The following MAML2 variants were observed in gnomAD, a reference collection of about 807,000 sequenced individuals.
The protein encoded by MAML2 is mastermind like transcriptional coactivator 2, also known as mastermind-like protein 2.
Under a neutral mutation model 96.1 loss-of-function variants are expected in MAML2, and 22 were observed. The observed-to-expected ratio is 0.23, with a 90% CI of 0.16 to 0.33. The LOEUF is 0.33. Ranked by LOEUF, MAML2 falls within the 10% of genes least tolerant of loss-of-function variation. MAML2 has a pLI of 1.00. For synonymous variants in MAML2, 561 were observed against 521.3 expected, an observed-to-expected ratio of 1.08 and a Z score of -1.04; for missense variants, 1,367 against 1,392.4, an observed-to-expected ratio of 0.98 and a Z score of 0.29.
In MAML2 at chr11:96,321,471, T is replaced by A. The variant is rs7936519; in HGVS notation, c.513+19912A>T. 1.9e-3 allele frequency among the ~76,000 whole-genome samples: 294 copies of A among 152,328 alleles called. 1 individual carries two copies. Among genetic ancestry groups the A allele is most frequent in the African/African-American group, 6.9e-3 (285 of 41,576 alleles). ...CTTCCAGAGACAAAAGAAATAGACATATTTGCGATATTCCTTCCTTTATCA... is the reference window on the plus strand; with the variant it reads ...CTTCCAGAGACAAAAGAAATAGACAAATTTGCGATATTCCTTCCTTTATCA... On this transcript the variant is annotated intron_variant, in intron 1 of 4. Coordinates refer to ENST00000524717, the MANE Select transcript of MAML2 (RefSeq NM_032427.4).
chr11:96,319,654 C>A (rs1275850421), intron 1 of MAML2, among the ~76,000 whole-genome samples: 20 of 152,054 alleles, frequency 1.3e-4, no homozygotes. Flanking sequence ...GATATAGGTA[C>A]AATAGGGCCC....
At chr11:96,198,554 A>C (rs1591067738) in intron 1 of MAML2, among the ~76,000 whole-genome samples, 1 of 152,050 alleles carries the variant, frequency 6.6e-6, no homozygotes, top group South Asian at 2.1e-4. Flanking sequence ...CTGGTAATTT[A>C]CTCTTGAATT....
chr11:95,998,809 T>A (rs1858037646), intron 2 of MAML2, among the ~76,000 whole-genome samples: 2 of 152,190 alleles, frequency 1.3e-5, no homozygotes. Flanking sequence ...GGAAGCTGGA[T>A]GCATGTTTTA....
At chr11:95,988,033 T>C (rs1268134754) in intron 3 of MAML2, among the ~76,000 whole-genome samples, 1 of 152,092 alleles carries the variant, frequency 6.6e-6, no homozygotes, top group Non-Finnish European at 1.5e-5. Flanking sequence ...ATGGACTTTC[T>C]GAAATCCACT....
chr11:96,119,212 T>C (rs1860294603), intron 1 of MAML2, among the ~76,000 whole-genome samples: 1 of 152,112 alleles, frequency 6.6e-6, no homozygotes, highest in Non-Finnish European at 1.5e-5. Flanking sequence ...TGAACTTACA[T>C]GGCAAAAGAG....
chr11:96,193,956 G>A (rs1386213390), intron 1 of MAML2, among the ~76,000 whole-genome samples: 1 of 152,170 alleles, frequency 6.6e-6, no homozygotes, highest in Non-Finnish European at 1.5e-5. Context: ...AGAGTGCCCA[G>A]AGTGGAGAGG....
intron 1 of MAML2, among the ~76,000 whole-genome samples, chr11:96,299,931 T>C (rs1863364209): frequency 6.6e-6 from 1 of 152,174 alleles, no homozygotes; most frequent in Non-Finnish European, 1.5e-5. Flanking sequence ...GAACTGAAAG[T>C]GTTGGTAAGT....
chr11:96,100,654 G>T (rs893894032), intron 1 of MAML2, among the ~76,000 whole-genome samples: 2 of 151,510 alleles, frequency 1.3e-5, no homozygotes, highest in Non-Finnish European at 2.9e-5. Context: ...AGGCATATTA[G>T]ATCTTTCTAG....
intron 1 of MAML2, among the ~76,000 whole-genome samples, chr11:96,096,458 C>T (rs933494556): frequency 1.3e-5 from 2 of 152,178 alleles, no homozygotes; most frequent in Admixed American, 1.3e-4. Flanking sequence ...CTTCCCCTCC[C>T]CGCTTTTGCA....
At chr11:96,227,631 T>C (rs185304409) in intron 1 of MAML2, among the ~76,000 whole-genome samples, 1 of 152,370 alleles carries the variant, frequency 6.6e-6, no homozygotes, top group Non-Finnish European at 1.5e-5. Context: ...CTGAGATTCA[T>C]TCAGTTTTCT....
At chr11:96,155,782 T>C (rs1008849399) in intron 1 of MAML2, among the ~76,000 whole-genome samples, 2 of 151,800 alleles carry the variant, frequency 1.3e-5, no homozygotes, top group African/African-American at 4.8e-5. Flanking sequence ...AGCTAACTCA[T>C]GGTCTAAACA....
rs1214957778 is a variant in MAML2, at chr11:95,978,732, G to C, written c.*216C>G. On this transcript the variant is annotated 3_prime_UTR_variant, in exon 5 of 5. Coordinates refer to ENST00000524717, the MANE Select transcript of MAML2 (RefSeq NM_032427.4). The stretch of plus-strand genomic sequence containing the variant: ...GATACTGTATCCTGGAGTTTAGACA[G>C]GGAAAAGTGATCCCAATATTTTACT... 15 of 543,472 alleles carry C rather than the reference G, an allele frequency of 2.8e-5. No individual in the cohort carries two copies. In the East Asian group the frequency reaches 4.3e-4, roughly 15 times the overall value. 33.7% of individuals were successfully genotyped at this position (543,472 alleles called of 1,614,324 possible).
chr11:96,282,166 G>A (rs548718324), intron 1 of MAML2, among the ~76,000 whole-genome samples: 3 of 151,500 alleles, frequency 2.0e-5, no homozygotes, highest in African/African-American at 4.9e-5. Flanking sequence ...GGAGAATGGC[G>A]TGAACCCGGG....
chr11:96,319,419 T>C (rs557954906), intron 1 of MAML2, among the ~76,000 whole-genome samples: 1 of 152,374 alleles, frequency 6.6e-6, no homozygotes, highest in Admixed American at 6.5e-5. Context: ...TGAAGTAATT[T>C]GTTACAAAGC....
At chr11:96,303,742 A>G (rs1863423090) in intron 1 of MAML2, among the ~76,000 whole-genome samples, 1 of 152,172 alleles carries the variant, frequency 6.6e-6, no homozygotes, top group African/African-American at 2.4e-5. Flanking sequence ...CTTAAGGGGC[A>G]CAAGTGGGCA....
intron 1 of MAML2, among the ~76,000 whole-genome samples, chr11:96,299,321 C>T (rs1006165791): frequency 4.0e-5 from 6 of 150,740 alleles, no homozygotes; most frequent in African/African-American, 1.2e-4. Context: ...GATTGGAAAC[C>T]ATATATTCAT....
chr11:95,998,125 T>TGTCTGTCA (rs1554993531), intron 2 of MAML2, among the ~76,000 whole-genome samples: 6 of 125,698 alleles, frequency 4.8e-5, no homozygotes, highest in African/African-American at 1.9e-4. Context: ...TCTATCTATC[T>TGTCTGTCA]GTCTGTCTGT....
chr11:95,991,385 G>C, intron 3 of MAML2, 135 bp downstream of exon 3: 1 of 815,262 alleles, frequency 1.2e-6, no homozygotes, highest in Non-Finnish European at 2.0e-6. Context: ...TAAATGTATG[G>C]AATTATCCTC....
chr11:96,335,817 A>G (rs764680805), intron 1 of MAML2, among the ~76,000 whole-genome samples: 5 of 151,940 alleles, frequency 3.3e-5, no homozygotes, highest in Non-Finnish European at 7.4e-5. Flanking sequence ...CTCAGTACTC[A>G]CGTCCAGCCA....
Sources: gnomAD v4.1 joint callset for allele counts (sites outside exome capture counted in the v4.1 genomes callset) on GRCh38, gnomAD v4.1.1 for gene constraint, MANE v1.5 for transcripts, NCBI Gene and HGNC (gene_info 2026-07-23, HGNC 2026-07-21) for gene names.